The following SNX29 variants were observed in gnomAD, a reference collection of about 807,000 sequenced individuals.
The protein encoded by SNX29 is sorting nexin-29.
In SNX29, 78 loss-of-function variants were observed where a neutral mutation model predicts 102.1. The observed-to-expected ratio is 0.76, with a 90% confidence interval of 0.64 to 0.92. The LOEUF (loss-of-function observed/expected upper bound fraction) is 0.92, where lower values mean the gene tolerates loss of function less well. Ranked by LOEUF, SNX29 falls within the 40% of genes least tolerant of loss-of-function variation. The pLI is 0.00. For missense variants in SNX29, 1,280 were observed against 1,061.7 expected (o/e 1.21, Z -2.86); for synonymous variants, 580 against 414.5 (o/e 1.40, Z -4.85).
intron 18 of SNX29, among the ~76,000 whole-genome samples, chr16:12,474,087 C>T (rs976135061): frequency 3.9e-5 from 6 of 152,118 alleles, no homozygotes; most frequent in Non-Finnish European, 7.3e-5. Context: ...TCTGGTAACA[C>T]TGTGATAGAA....
chr16:12,556,863 T>C (rs1399744095), intron 20 of SNX29, among the ~76,000 whole-genome samples: 1 of 152,092 alleles, frequency 6.6e-6, no homozygotes, highest in Non-Finnish European at 1.5e-5. Context: ...ATTGAATTTT[T>C]TTTTTTTGAG....
chr16:12,125,688 G>C lies in SNX29; in HGVS notation c.1403-945G>C, dbSNP rs573126207. On this transcript the variant is annotated intron_variant, in intron 11 of 20. Transcript: ENST00000566228. ...GACCAGGCTGGTCCTGAACTCCTGG[G>C]CTCAAATGAACTCCTACCTTGGTCT... 6.4e-4 allele frequency among the ~76,000 whole-genome samples: 85 copies of C among 132,524 alleles called. 1 individual carries two copies. In the South Asian group the frequency reaches 0.014, roughly 22 times the overall value. The allele number at this position is 132,524 out of a possible 152,430, so 86.9% of individuals were successfully genotyped here.
At chr16:12,103,461 A>G (rs2053102929) in intron 11 of SNX29, among the ~76,000 whole-genome samples, 1 of 152,328 alleles carries the variant, frequency 6.6e-6, no homozygotes. Flanking sequence ...CTATTTAATA[A>G]ATGGTGCTGG....
intron 20 of SNX29, among the ~76,000 whole-genome samples, chr16:12,541,798 T>G (rs563967285): frequency 1.3e-5 from 2 of 152,242 alleles, no homozygotes; most frequent in South Asian, 4.1e-4. Flanking sequence ...ATGGAAAGGT[T>G]CAGAGGGCAG....
chr16:12,252,960 A>T (rs543323411), intron 14 of SNX29, among the ~76,000 whole-genome samples: 2 of 152,202 alleles, frequency 1.3e-5, no homozygotes, highest in Non-Finnish European at 2.9e-5. Context: ...CTGGACTGGC[A>T]GCTGGGATAG....
intron 10 of SNX29, among the ~76,000 whole-genome samples, chr16:12,073,051 TTC>T (rs2051373145): frequency 6.6e-6 from 1 of 152,180 alleles, no homozygotes; most frequent in African/African-American, 2.4e-5. Context: ...TATTTGATTC[TTC>T]TCTCTTTTTT....
At chr16:12,310,094 A>G (rs899918270) in intron 15 of SNX29, among the ~76,000 whole-genome samples, 3 of 142,784 alleles carry the variant, frequency 2.1e-5, no homozygotes, top group Non-Finnish European at 4.6e-5. Flanking sequence ...GCACACATGC[A>G]CACACATGCA....
At position 12,564,206 on chromosome 16, in the gene SNX29, A is replaced by G. The variant is rs1347030879; in HGVS notation, c.2319-4300A>G. 4.3e-5 allele frequency among the ~76,000 whole-genome samples: 6 copies of G among 138,464 alleles called. No homozygotes were observed. In the South Asian group the frequency reaches 9.4e-4, roughly 22 times the overall value. The allele number at this position is 138,464 out of a possible 152,430, so 90.8% of individuals were successfully genotyped here. A position where few individuals can be genotyped will look rare whatever the true frequency, so the allele number is the denominator to read the frequency against. ...AGTTTGAGACCGTCCTGGGCACCAT[A>G]GGGAGACCCCCACATCTCTAAGAGA... On this transcript the variant is annotated intron_variant, in intron 20 of 20. Transcript: ENST00000566228.
chr16:12,474,768 C>T (rs1424150697), intron 18 of SNX29, among the ~76,000 whole-genome samples: 1 of 152,170 alleles, frequency 6.6e-6, no homozygotes, highest in Non-Finnish European at 1.5e-5. Context: ...GTGCATTGAT[C>T]TCTCTCCCAC....
chr16:12,281,165 C>T (rs987067248), intron 15 of SNX29, among the ~76,000 whole-genome samples: 4 of 152,218 alleles, frequency 2.6e-5, no homozygotes, highest in South Asian at 4.1e-4. Flanking sequence ...ACTCTCACCT[C>T]GGCCTCTCAA....
intron 20 of SNX29, among the ~76,000 whole-genome samples, chr16:12,558,678 G>A (rs368960057): frequency 6.6e-6 from 1 of 152,198 alleles, no homozygotes; most frequent in East Asian, 1.9e-4. Context: ...GGTCCTTGTG[G>A]CTGGGATTTG....
At chr16:12,333,912 G>A (rs553039754) in intron 15 of SNX29, among the ~76,000 whole-genome samples, 6 of 152,242 alleles carry the variant, frequency 3.9e-5, no homozygotes, top group South Asian at 2.1e-4. Context: ...GATGCATCCC[G>A]CGTTTCCGTG....
At chr16:12,479,891 A>G (rs867530647) in intron 19 of SNX29, among the ~76,000 whole-genome samples, 3 of 152,120 alleles carry the variant, frequency 2.0e-5, no homozygotes, top group Non-Finnish European at 2.9e-5. Flanking sequence ...GGAAGGGGAA[A>G]ACTCTTAGGT....
chr16:12,364,571 CAG>C (rs2082406249), intron 16 of SNX29, among the ~76,000 whole-genome samples: 1 of 152,016 alleles, frequency 6.6e-6, no homozygotes. Context: ...GAAATGGAGA[CAG>C]GGAAATAGAA....
Position 12,259,371 on chromosome 16 carries a change from A to T in SNX29, c.1679-18562A>T, listed in dbSNP as rs183773729. 9.8e-4 allele frequency among the ~76,000 whole-genome samples: 149 copies of T among 152,268 alleles called. 3 individuals are homozygous for T. Among genetic ancestry groups the T allele is most frequent in the African/African-American group, 3.5e-3 (147 of 41,544 alleles). On this transcript the variant is annotated intron_variant, in intron 14 of 20. Transcript: ENST00000566228. ...AGCATTGGCTGTGCTGGCTTGGTGT[A>T]GCCACTGGCTAAGAAGGTGTCCTCC...
At chr16:12,112,422 G>A (rs1439913321) in intron 11 of SNX29, among the ~76,000 whole-genome samples, 1 of 152,218 alleles carries the variant, frequency 6.6e-6, no homozygotes, top group African/African-American at 2.4e-5. Context: ...GGCTGCTGAG[G>A]TGGAGATCTG....
chr16:12,568,789 T>C lies in SNX29; in HGVS notation c.*160T>C, dbSNP rs1049178764. 8.6e-7 allele frequency: 1 copy of C among 1,162,940 alleles called. No homozygotes were observed. Among genetic ancestry groups the C allele is most frequent in the Non-Finnish European group, 1.2e-6 (1 of 847,056 alleles). 72.0% of individuals were successfully genotyped at this position (1,162,940 alleles called of 1,614,324 possible). A position where few individuals can be genotyped will look rare whatever the true frequency, so the allele number is the denominator to read the frequency against. ...TTACACAACACCCCGATTAAACTAA[T>C]CAGTCTTCGAGCCGCATGATACCGT... On this transcript the variant is annotated 3_prime_UTR_variant, in exon 21 of 21. Transcript: ENST00000566228.
At chr16:12,163,731 C>T (rs964343710) in intron 13 of SNX29, among the ~76,000 whole-genome samples, 10 of 152,164 alleles carry the variant, frequency 6.6e-5, no homozygotes, top group African/African-American at 2.2e-4. Context: ...TTTTGTTCAG[C>T]CAGGGCTGAG....
At chr16:12,258,096 A>G (rs2078627687) in intron 14 of SNX29, among the ~76,000 whole-genome samples, 1 of 152,146 alleles carries the variant, frequency 6.6e-6, no homozygotes, top group East Asian at 1.9e-4. Context: ...CTCTTCACAC[A>G]GCAGCCAGAG....
Sources: gnomAD v4.1 joint callset for allele counts (sites outside exome capture counted in the v4.1 genomes callset) on GRCh38, gnomAD v4.1.1 for gene constraint, MANE v1.5 for transcripts, NCBI Gene and HGNC (gene_info 2026-07-23, HGNC 2026-07-21) for gene names.